Variants in ATP8A2 observed in about 807,000 individuals in gnomAD.
The protein encoded by ATP8A2 is ATPase phospholipid transporting 8A2, also known as phospholipid-transporting ATPase IB.
ATP8A2 carries 100 observed loss-of-function variants against 165.6 expected under a neutral mutation model. That is an observed-to-expected ratio of 0.60 (90% CI 0.51 to 0.71). The LOEUF (loss-of-function observed/expected upper bound fraction) is 0.71, where lower values mean the gene tolerates loss of function less well. Among genes scored for constraint, ATP8A2 ranks in the 30% least tolerant of loss-of-function variants. The probability of loss-of-function intolerance (pLI) is 0.00; values close to 1 mark genes in which losing one functional copy is unlikely to be tolerated. For synonymous variants in ATP8A2, 543 were observed against 548.8 expected (o/e 0.99, Z 0.15); for missense variants, 1,227 against 1,479.5 (o/e 0.83, Z 2.80).
Position 25,618,048 on chromosome 13 carries a change from A to G in ATP8A2, c.2211+28349A>G, listed in dbSNP as rs964725939. ...AGTGTGAATGGATGTTTAGGTGGCA[A>G]TTGGAAAGATTTCCCAGTATTCTGA... On this transcript the variant is annotated intron_variant, in intron 24 of 36. Transcript: ENST00000381655. Among the ~76,000 whole-genome samples, 10 of 152,298 alleles carry G rather than the reference A, an allele frequency of 6.6e-5. No homozygotes were observed. In the East Asian group the frequency reaches 1.5e-3, roughly 23 times the overall value.
intron 1 of ATP8A2, among the ~76,000 whole-genome samples, chr13:25,448,307 A>G (rs1284328606): frequency 6.6e-6 from 1 of 152,242 alleles, no homozygotes; most frequent in Non-Finnish European, 1.5e-5. Flanking sequence ...GGAACATTTC[A>G]GAGGGAAACT....
At chr13:25,887,378 G>T (rs1195192109) in intron 33 of ATP8A2, among the ~76,000 whole-genome samples, 1 of 151,624 alleles carries the variant, frequency 6.6e-6, no homozygotes, top group African/African-American at 2.4e-5. Context: ...TGCTGTTGTT[G>T]CCCAGACTGA....
At chr13:25,959,036 C>G (rs1325564285) in intron 33 of ATP8A2, among the ~76,000 whole-genome samples, 1 of 152,100 alleles carries the variant, frequency 6.6e-6, no homozygotes, top group Middle Eastern at 3.2e-3. Context: ...GCATGTATCC[C>G]CACAAGTACA....
At chr13:25,608,801 TA>T (rs2040582403) in intron 24 of ATP8A2, among the ~76,000 whole-genome samples, 1 of 152,186 alleles carries the variant, frequency 6.6e-6, no homozygotes, top group South Asian at 2.1e-4. Context: ...CATAAAGTGT[TA>T]ACAGAATTTT....
At chr13:25,616,087 GTTATC>G in intron 24 of ATP8A2, among the ~76,000 whole-genome samples, 1 of 152,026 alleles carries the variant, frequency 6.6e-6, no homozygotes, top group South Asian at 2.1e-4. Flanking sequence ...CTATACCCCA[GTTATC>G]TTATTAGATG....
intron 24 of ATP8A2, among the ~76,000 whole-genome samples, chr13:25,675,263 G>A (rs184413984): frequency 3.3e-5 from 5 of 152,294 alleles, no homozygotes; most frequent in African/African-American, 1.2e-4. Context: ...CCAGGTGGAG[G>A]AAACCATGTT....
rs1199005319 is a variant in ATP8A2 at position 26,021,586 on chromosome 13, G to T, written c.*1601G>T. ...CCTAGATGTCTTCAGGCATGAATGTGAGCACCTGGAGCCCTTACTAAACAA... is the reference window on the plus strand; with the variant it reads ...CCTAGATGTCTTCAGGCATGAATGTTAGCACCTGGAGCCCTTACTAAACAA... On this transcript the variant is annotated 3_prime_UTR_variant, in exon 37 of 37. Transcript: ENST00000381655. 1 of 152,194 alleles carries T rather than the reference G, an allele frequency of 6.6e-6. No homozygotes were observed. Among genetic ancestry groups the T allele is most frequent in the East Asian group, 1.9e-4 (1 of 5,190 alleles). 9.4% of individuals were successfully genotyped at this position (152,194 alleles called of 1,614,324 possible).
intron 27 of ATP8A2, among the ~76,000 whole-genome samples, chr13:25,822,993 T>G (rs1951219712): frequency 6.6e-6 from 1 of 152,222 alleles, no homozygotes; most frequent in African/African-American, 2.4e-5. Context: ...GGGATAAAGA[T>G]GACTTATTAA....
Position 25,943,332 on chromosome 13 carries a change from C to T in ATP8A2, c.3184-18243C>T, listed in dbSNP as rs770163790. On this transcript the variant is annotated intron_variant, in intron 33 of 36. Coordinates refer to ENST00000381655, the MANE Select transcript of ATP8A2 (RefSeq NM_016529.6). ...ATTCTAGTCATGCACGATGTAACAA[C>T]GTTTCAGTCAACAGCAGACCACACA... 6.6e-5 allele frequency among the ~76,000 whole-genome samples: 10 copies of T among 152,194 alleles called. No homozygotes were observed. In the East Asian group the frequency reaches 9.6e-4, roughly 15 times the overall value.
chr13:25,916,443 G>A (rs1046215504), intron 33 of ATP8A2, among the ~76,000 whole-genome samples: 1 of 152,228 alleles, frequency 6.6e-6, no homozygotes, highest in African/African-American at 2.4e-5. Context: ...ATGTGGTGCT[G>A]GTGTTCAGCT....
chr13:25,678,243 T>C (rs1311414778), intron 24 of ATP8A2, among the ~76,000 whole-genome samples: 1 of 152,062 alleles, frequency 6.6e-6, no homozygotes, highest in Non-Finnish European at 1.5e-5. Context: ...AGCTAGTAGT[T>C]GTGGAGTATG....
In ATP8A2 at chr13:25,456,719, A is replaced by G. The variant is rs377637471; in HGVS notation, c.77-12258A>G. On this transcript the variant is annotated intron_variant, in intron 1 of 36. Coordinates refer to ENST00000381655, the MANE Select transcript of ATP8A2 (RefSeq NM_016529.6). ...CATTGGTCTGTTTCCTCTCCAGACT[A>G]CAAGTGCTTTGAAAGCAGGGAGAGG... is the stretch of plus-strand genomic sequence containing the variant. 3.9e-5 allele frequency among the ~76,000 whole-genome samples: 6 copies of G among 152,358 alleles called. No homozygotes were observed. The East Asian group carries it at 7.7e-4, about 20-fold the overall frequency.
intron 2 of ATP8A2, among the ~76,000 whole-genome samples, chr13:25,490,340 T>C (rs1179146723): frequency 6.6e-6 from 1 of 152,238 alleles, no homozygotes; most frequent in Non-Finnish European, 1.5e-5. Flanking sequence ...GCACTTTCCT[T>C]AGAAGCTCTC....
intron 35 of ATP8A2, among the ~76,000 whole-genome samples, chr13:25,974,748 C>T (rs1463683505): frequency 1.3e-5 from 2 of 152,112 alleles, no homozygotes; most frequent in Non-Finnish European, 2.9e-5. Flanking sequence ...ACTGCAGACT[C>T]GCTCTCAGTG....
chr13:25,878,250 A>G (rs558251669), intron 33 of ATP8A2, among the ~76,000 whole-genome samples: 1 of 152,224 alleles, frequency 6.6e-6, no homozygotes, highest in Admixed American at 6.5e-5. Flanking sequence ...CAACCCTGTG[A>G]CTTGCTTTAT....
intron 13 of ATP8A2, among the ~76,000 whole-genome samples, chr13:25,557,478 G>A (rs1007136274): frequency 6.6e-6 from 1 of 151,950 alleles, no homozygotes; most frequent in East Asian, 1.9e-4. Flanking sequence ...GGCTAAATTT[G>A]CCTTCTCTTT....
intron 24 of ATP8A2, among the ~76,000 whole-genome samples, chr13:25,622,347 T>C (rs2040991858): frequency 6.6e-6 from 1 of 151,726 alleles, no homozygotes; most frequent in Admixed American, 6.6e-5. Context: ...ATAGTAACAA[T>C]AAGATAAGCA....
At chr13:25,537,330 G>A (rs529768335) in intron 6 of ATP8A2, among the ~76,000 whole-genome samples, 4 of 152,278 alleles carry the variant, frequency 2.6e-5, no homozygotes, top group Admixed American at 6.5e-5. Context: ...TTGGCCTTCC[G>A]TGCAGCTTGC....
chr13:25,507,239 GTGTGTGTGTGTGTGTGTGTGTGTGTA>G (rs1208715540), intron 2 of ATP8A2, among the ~76,000 whole-genome samples: 1 of 72,832 alleles, frequency 1.4e-5, no homozygotes, highest in Non-Finnish European at 3.0e-5. Context: ...GTGTGTGTGT[GTGTGTGTGTGTGTGTGTGTGTGTGTA>G]TTTTGTTGTT....
Sources: allele counts gnomAD v4.1 joint callset (sites outside exome capture counted in the v4.1 genomes callset), GRCh38; gene constraint gnomAD v4.1.1; transcripts MANE v1.5; gene names NCBI Gene and HGNC (gene_info 2026-07-23, HGNC 2026-07-21).